KCNIP1: variants seen among roughly 807,000 people sequenced by gnomAD.
KCNIP1 encodes the protein potassium voltage-gated channel interacting protein 1.
A neutral mutation model predicts 33.0 loss-of-function variants in KCNIP1; 18 were observed. The ratio of observed to expected loss-of-function variants is 0.55; its 90% CI spans 0.38 to 0.81. The LOEUF (loss-of-function observed/expected upper bound fraction) is 0.81. KCNIP1 is among the 30% of genes least tolerant of loss of function. The pLI is 0.00. For synonymous variants in KCNIP1, 93 were observed against 98.3 expected (o/e 0.95, Z 0.32); for missense variants, 238 against 271.6 (o/e 0.88, Z 0.87).
intron 1 of KCNIP1, among the ~76,000 whole-genome samples, chr5:170,586,279 G>A (rs950270825): frequency 3.9e-5 from 6 of 152,166 alleles, no homozygotes; most frequent in Non-Finnish European, 8.8e-5. Context: ...CTGCCTCAAA[G>A]TTTACTTCTT....
intron 1 of KCNIP1, among the ~76,000 whole-genome samples, chr5:170,641,149 T>C (rs1215290182): frequency 6.6e-6 from 1 of 152,154 alleles, no homozygotes; most frequent in Non-Finnish European, 1.5e-5. Context: ...ACCTTCATGC[T>C]CGTGGCACTT....
At chr5:170,511,055 A>G (rs1360926976) in intron 1 of KCNIP1, among the ~76,000 whole-genome samples, 1 of 152,106 alleles carries the variant, frequency 6.6e-6, no homozygotes, top group African/African-American at 2.4e-5. Flanking sequence ...CTAAAAATAC[A>G]AAAATTAGCC....
intron 5 of KCNIP1, among the ~76,000 whole-genome samples, chr5:170,725,442 T>C (rs1763976180): frequency 6.6e-6 from 1 of 152,132 alleles, no homozygotes; most frequent in South Asian, 2.1e-4. Context: ...CATCCCATGT[T>C]CTCTCTTATT....
In KCNIP1 at chr5:170,669,478, A is replaced by G. The variant is rs192508622; in HGVS notation, c.62-49280A>G. 4.1e-6 allele frequency: 4 copies of G among 969,006 alleles called. No individual in the cohort carries two copies. In the African/African-American group the frequency reaches 7.0e-5, roughly 17 times the overall value. 60.0% of individuals were successfully genotyped at this position (969,006 alleles called of 1,614,324 possible). A position where few individuals can be genotyped will look rare whatever the true frequency, so the allele number is the denominator to read the frequency against. ...AAAGTAATAGAGTGGTATTTAATAA[A>G]TATTCATTTTCTTTCCCCAGAACTA... On this transcript the variant is annotated intron_variant, in intron 1 of 7. Transcript: ENST00000328939.
At chr5:170,685,764 C>T (rs1187321347) in intron 1 of KCNIP1, among the ~76,000 whole-genome samples, 2 of 152,144 alleles carry the variant, frequency 1.3e-5, no homozygotes, top group African/African-American at 2.4e-5. Flanking sequence ...GCTGGGATTA[C>T]AGGTGTGAGC....
In KCNIP1 at chr5:170,504,241, C is replaced by T. The variant is rs1235411590; in HGVS notation, c.-332C>T. 2.7e-6 allele frequency: 3 copies of T among 1,091,252 alleles called. No homozygotes were observed. The African/African-American group carries it at 4.9e-5, about 18-fold the overall frequency. 67.6% of individuals were successfully genotyped at this position (1,091,252 alleles called of 1,614,324 possible). A position where few individuals can be genotyped will look rare whatever the true frequency, so the allele number is the denominator to read the frequency against. ...GGCTCGGCAGCCTCGGCCGGGCGGC[C>T]GCTCTGGCCCCGTGTCCAGTGCCAG... On this transcript the variant is annotated 5_prime_UTR_variant, in exon 1 of 8. Transcript: ENST00000328939. The surrounding 1 kb of genome is among the most constrained non-coding windows in gnomAD (Gnocchi z 6.0).
At position 170,718,618 on chromosome 5, in the gene KCNIP1, G is replaced by T. The variant is rs148657926; in HGVS notation, c.62-140G>T. 7 of 905,026 alleles carry T rather than the reference G, an allele frequency of 7.7e-6. No homozygotes were observed. The African/African-American group carries it at 8.5e-5, about 11-fold the overall frequency. The allele number at this position is 905,026 out of a possible 1,614,324, so 56.1% of individuals were successfully genotyped here. On this transcript the variant is annotated intron_variant, in intron 1 of 7. Transcript: ENST00000328939. ...GGGCAGGGAAGTGGGGTTCAAGATA[G>T]GAAGGCCATTGGCAGTGTGACCCCA...
intron 1 of KCNIP1, among the ~76,000 whole-genome samples, chr5:170,661,938 G>A (rs1761512363): frequency 6.6e-6 from 1 of 152,148 alleles, no homozygotes; most frequent in Non-Finnish European, 1.5e-5. Context: ...TTCCTTGCAA[G>A]GCTCGAGCAC....
intron 1 of KCNIP1, among the ~76,000 whole-genome samples, chr5:170,715,272 A>C (rs1256415525): frequency 1.3e-5 from 2 of 152,202 alleles, no homozygotes; most frequent in East Asian, 3.8e-4. Context: ...GGTTTGCGTG[A>C]GTATACTCCA....
intron 1 of KCNIP1, among the ~76,000 whole-genome samples, chr5:170,388,755 A>T (rs1027627752): frequency 2.0e-5 from 3 of 152,224 alleles, no homozygotes; most frequent in East Asian, 1.9e-4. Context: ...TAGCAACCAC[A>T]TGACTGTGAA....
At chr5:170,383,362 C>A in intron 1 of KCNIP1, 1 of 592,130 alleles carries the variant, frequency 1.7e-6, no homozygotes, top group Non-Finnish European at 3.0e-6. Context: ...AAGCGTGGCA[C>A]TTTATATACA....
chr5:170,629,427 G>A (rs970212256), intron 1 of KCNIP1, among the ~76,000 whole-genome samples: 1 of 152,232 alleles, frequency 6.6e-6, no homozygotes, highest in African/African-American at 2.4e-5. Flanking sequence ...GTCCCGGACA[G>A]CCAAGCCCTG....
chr5:170,628,927 G>A (rs1320381918), intron 1 of KCNIP1, among the ~76,000 whole-genome samples: 1 of 152,116 alleles, frequency 6.6e-6, no homozygotes, highest in Non-Finnish European at 1.5e-5. Context: ...CTCCATCCAG[G>A]CCTGCAGTCT....
chr5:170,532,706 C>A (rs57290741), intron 1 of KCNIP1, among the ~76,000 whole-genome samples: 7,487 of 152,132 alleles, frequency 0.049, 574 homozygotes, highest in African/African-American at 0.15. Context: ...TGCTCTTAGA[C>A]CTGCCCCCCA....
At chr5:170,506,074 ATC>A (rs1452009025) in intron 1 of KCNIP1, among the ~76,000 whole-genome samples, 2 of 152,094 alleles carry the variant, frequency 1.3e-5, no homozygotes, top group East Asian at 3.9e-4. Flanking sequence ...CTCCCTCATC[ATC>A]TGTCTGACCA....
At chr5:170,622,813 C>T (rs1759658109) in intron 1 of KCNIP1, among the ~76,000 whole-genome samples, 1 of 152,138 alleles carries the variant, frequency 6.6e-6, no homozygotes, top group Admixed American at 6.5e-5. Context: ...TGACTTCAGA[C>T]TCCCAGCCTC....
intron 1 of KCNIP1, among the ~76,000 whole-genome samples, chr5:170,451,723 T>TTGTG (rs67542248): frequency 0.17 from 20,442 of 122,700 alleles, 1,789 homozygotes; most frequent in Middle Eastern, 0.21. Flanking sequence ...TTCTCCTGCA[T>TTGTG]TGTGTGTGTG....
chr5:170,686,481 A>G (rs1762540260), intron 1 of KCNIP1, among the ~76,000 whole-genome samples: 1 of 152,194 alleles, frequency 6.6e-6, no homozygotes, highest in African/African-American at 2.4e-5. Flanking sequence ...ATTGGCCTTT[A>G]GGAGTCTGCT....
chr5:170,362,777 A>G (rs971196164), intron 1 of KCNIP1, among the ~76,000 whole-genome samples: 2 of 152,044 alleles, frequency 1.3e-5, no homozygotes, highest in African/African-American at 4.8e-5. Context: ...TCTTTCTGTA[A>G]TCTTTTGATT....
Sources: allele counts gnomAD v4.1 joint callset (sites outside exome capture counted in the v4.1 genomes callset), GRCh38; gene constraint gnomAD v4.1.1; non-coding constraint Gnocchi (gnomAD v3.1); transcripts MANE v1.5; gene names NCBI Gene and HGNC (gene_info 2026-07-23, HGNC 2026-07-21).